PTPRD: variants seen among roughly 807,000 people sequenced by gnomAD.
PTPRD encodes the protein protein tyrosine phosphatase receptor type D.
PTPRD carries 34 observed loss-of-function variants against 214.5 expected under a neutral mutation model. That is an observed-to-expected ratio of 0.16 (90% confidence interval 0.12 to 0.21). The LOEUF is 0.21. Ranked by LOEUF, PTPRD falls within the 10% of genes least tolerant of loss-of-function variation. The pLI, the probability that PTPRD is intolerant of heterozygous loss-of-function variation, is 1.00. For synonymous variants in PTPRD, 1,128 were observed against 845.7 expected (o/e 1.33, Z -5.79); for missense variants, 2,545 against 2,398.7 (o/e 1.06, Z -1.27).
chr9:9,221,022 T>C (rs1206320731), intron 9 of PTPRD, among the ~76,000 whole-genome samples: 3 of 152,074 alleles, frequency 2.0e-5, no homozygotes, highest in Admixed American at 6.6e-5. Flanking sequence ...CCTTCAGTTC[T>C]GTCCCTCTCC....
In PTPRD at chr9:10,601,299, T is replaced by A. The variant is rs530327097; in HGVS notation, c.-600+11099A>T. On this transcript the variant is annotated intron_variant, in intron 2 of 45. Transcript: ENST00000381196. ...TATGGCCAAAGGGAAGAATTTGATTTAAAAAAAAAATGTTGGCCTGATAGG... is the reference window on the plus strand; with the variant it reads ...TATGGCCAAAGGGAAGAATTTGATTAAAAAAAAAAATGTTGGCCTGATAGG... Among the ~76,000 whole-genome samples the A allele has an allele frequency of 1.5e-3, 219 of 149,354 alleles. 3 individuals carry two copies. The South Asian group carries it at 0.016, about 11-fold the overall frequency.
At chr9:8,818,772 A>G (rs575425897) in intron 11 of PTPRD, among the ~76,000 whole-genome samples, 50 of 152,338 alleles carry the variant, frequency 3.3e-4, no homozygotes, top group African/African-American at 1.2e-3. Flanking sequence ...TAAAATTTCA[A>G]ATAATTTGGC....
intron 10 of PTPRD, among the ~76,000 whole-genome samples, chr9:9,146,029 C>T (rs775297697): frequency 6.6e-6 from 1 of 152,198 alleles, no homozygotes; most frequent in Non-Finnish European, 1.5e-5. Context: ...ACTCCACCCA[C>T]TCAACAGACT....
intron 36 of PTPRD, among the ~76,000 whole-genome samples, chr9:8,398,536 G>T (rs1229280299): frequency 6.6e-6 from 1 of 152,110 alleles, no homozygotes; most frequent in African/African-American, 2.4e-5. Context: ...ATGTGTTCCC[G>T]TAAATTCATA....
At chr9:9,758,562 T>C (rs368857650) in intron 6 of PTPRD, among the ~76,000 whole-genome samples, 27 of 152,222 alleles carry the variant, frequency 1.8e-4, no homozygotes, top group African/African-American at 4.6e-4. Context: ...AAGCCAAAGA[T>C]AGAACAGTGG....
At chr9:9,983,554 A>G (rs2095612821) in intron 4 of PTPRD, among the ~76,000 whole-genome samples, 1 of 152,256 alleles carries the variant, frequency 6.6e-6, no homozygotes, top group South Asian at 2.1e-4. Flanking sequence ...CCCTATGTAT[A>G]GAGCCATTAG....
chr9:8,716,241 G>T (rs745657090), intron 12 of PTPRD, among the ~76,000 whole-genome samples: 24 of 152,194 alleles, frequency 1.6e-4, no homozygotes, highest in Non-Finnish European at 3.4e-4. Flanking sequence ...TGTAAACCTG[G>T]CATTGTTAGA....
chr9:9,845,018 G>GTA (rs562332447), intron 5 of PTPRD, among the ~76,000 whole-genome samples: 131 of 143,770 alleles, frequency 9.1e-4, no homozygotes, highest in African/African-American at 3.0e-3. Flanking sequence ...AATACTGTAT[G>GTA]TATATATATA....
chr9:9,530,022 A>C (rs1267977311), intron 8 of PTPRD, among the ~76,000 whole-genome samples: 2 of 152,108 alleles, frequency 1.3e-5, no homozygotes, highest in East Asian at 3.9e-4. Flanking sequence ...CTAAGAGGAG[A>C]GTTTATAGCA....
chr9:9,056,812 C>T (rs1017561963), intron 10 of PTPRD, among the ~76,000 whole-genome samples: 3 of 152,158 alleles, frequency 2.0e-5, no homozygotes, highest in Non-Finnish European at 1.5e-5. Flanking sequence ...TTTATTAAAT[C>T]ATATTTATAT....
intron 7 of PTPRD, among the ~76,000 whole-genome samples, chr9:9,582,395 C>T (rs1204558347): frequency 6.6e-6 from 1 of 151,950 alleles, no homozygotes; most frequent in Admixed American, 6.6e-5. Flanking sequence ...CATAAGAGGC[C>T]ACCCCAACCT....
At chr9:9,290,992 A>G (rs1440608237) in intron 9 of PTPRD, among the ~76,000 whole-genome samples, 1 of 151,406 alleles carries the variant, frequency 6.6e-6, no homozygotes, top group Non-Finnish European at 1.5e-5. Flanking sequence ...AGACCACACT[A>G]ATAATAGCAA....
intron 12 of PTPRD, among the ~76,000 whole-genome samples, chr9:8,646,911 T>C (rs556306160): frequency 1.3e-5 from 2 of 151,780 alleles, no homozygotes; most frequent in South Asian, 2.1e-4. Flanking sequence ...CTTTTGAGTA[T>C]TTAGGACGGA....
chr9:9,250,743 CAAACCA>C (rs1457701292), intron 9 of PTPRD, among the ~76,000 whole-genome samples: 1 of 151,862 alleles, frequency 6.6e-6, no homozygotes, highest in African/African-American at 2.4e-5. Context: ...CAGCAAAAAC[CAAACCA>C]AAACCAAAAC....
intron 9 of PTPRD, among the ~76,000 whole-genome samples, chr9:9,346,366 T>C (rs1569567560): frequency 6.6e-6 from 1 of 152,052 alleles, no homozygotes; most frequent in Non-Finnish European, 1.5e-5. Context: ...TGAGAAAAAT[T>C]TAAGAAAAAG....
chr9:8,371,165 T>C (rs368622654), intron 39 of PTPRD, among the ~76,000 whole-genome samples: 27 of 151,968 alleles, frequency 1.8e-4, no homozygotes, highest in African/African-American at 6.3e-4. Context: ...GAAATAGTTA[T>C]AAGTAAGGCA....
intron 9 of PTPRD, among the ~76,000 whole-genome samples, chr9:9,265,652 C>T (rs767248418): frequency 8.6e-5 from 13 of 151,204 alleles, no homozygotes; most frequent in Non-Finnish European, 1.5e-4. Context: ...TGAAATAGAT[C>T]GGTCTAATCC....
intron 33 of PTPRD, among the ~76,000 whole-genome samples, chr9:8,457,703 G>T (rs890717977): frequency 1.3e-5 from 2 of 151,996 alleles, no homozygotes; most frequent in Non-Finnish European, 2.9e-5. Flanking sequence ...TGATAAAGTG[G>T]ATTATCAATA....
chr9:9,797,288 G>C (rs1052413888), intron 5 of PTPRD, among the ~76,000 whole-genome samples: 4 of 125,490 alleles, frequency 3.2e-5, no homozygotes, highest in African/African-American at 1.2e-4. Context: ...TAGTTGTTTG[G>C]GTTTTTTTGC....
Sources: allele counts gnomAD v4.1 joint callset (sites outside exome capture counted in the v4.1 genomes callset), GRCh38; gene constraint gnomAD v4.1.1; transcripts MANE v1.5; gene names NCBI Gene and HGNC (gene_info 2026-07-23, HGNC 2026-07-21).